WRN: variants seen among roughly 807,000 people sequenced by gnomAD.
WRN encodes the protein bifunctional 3'-5' exonuclease/ATP-dependent helicase WRN.
WRN carries 149 observed loss-of-function variants against 180.7 expected under a neutral mutation model. The observed-to-expected ratio is 0.82, with a 90% confidence interval of 0.72 to 0.94. The LOEUF (loss-of-function observed/expected upper bound fraction) is 0.94, where lower values mean the gene tolerates loss of function less well. Ranked by LOEUF, WRN falls within the 40% of genes least tolerant of loss-of-function variation. The probability of loss-of-function intolerance (pLI) is 0.00; values close to 1 mark genes in which losing one functional copy is unlikely to be tolerated. For missense variants in WRN, 1,661 were observed against 1,700.1 expected, an observed-to-expected ratio of 0.98 and a Z score of 0.40; for synonymous variants, 548 against 568.9, an observed-to-expected ratio of 0.96 and a Z score of 0.52.
At position 31,141,591 on chromosome 8, in the gene WRN, T is replaced by TA. The variant is rs1563376595; in HGVS notation, c.3130dup (p.Thr1044AsnfsTer5). 2 of 1,613,876 alleles carry TA rather than the reference T, an allele frequency of 1.2e-6. No individual in the cohort carries two copies. Among genetic ancestry groups the TA allele is most frequent in the Admixed American group, 1.7e-5 (1 of 59,968 alleles). ...ACAAATTTATGAAGATTTGCGCCCTTACGAAAAAGGTAAACGGTGTAGGAG... is the reference window on the plus strand; with the variant it reads ...ACAAATTTATGAAGATTTGCGCCCTTAACGAAAAAGGTAAACGGTGTAGGAG... On this transcript the variant is annotated frameshift_variant, in exon 25 of 35. Transcript: ENST00000298139. LOFTEE classifies it high-confidence loss of function.
Position 31,174,152 on chromosome 8 carries a change from C to T in WRN, c.*1050C>T, listed in dbSNP as rs1204580536. Among the ~76,000 whole-genome samples the T allele has an allele frequency of 1.3e-5, 2 of 152,174 alleles. No individual in the cohort carries two copies. Among genetic ancestry groups the T allele is most frequent in the Non-Finnish European group, 2.9e-5 (2 of 68,028 alleles). Reference sequence around the variant, plus strand: ...TTGTTTTTAGTTAAAATATAAAAGTCTCGTATATTCCCATTTTTCTGCATT... The same window carrying T: ...TTGTTTTTAGTTAAAATATAAAAGTTTCGTATATTCCCATTTTTCTGCATT... On this transcript the variant is annotated 3_prime_UTR_variant, in exon 35 of 35. Transcript: ENST00000298139.
intron 8 of WRN, among the ~76,000 whole-genome samples, chr8:31,079,899 G>A (rs1164419474): frequency 6.6e-6 from 1 of 151,626 alleles, no homozygotes; most frequent in Non-Finnish European, 1.5e-5. Context: ...TTTTGAAACA[G>A]AGTATTGCTC....
rs1328719690 is a variant in WRN, at chr8:31,157,351, T to C, written c.3820-17T>C. The C allele has an allele frequency of 6.2e-7, 1 of 1,613,484 alleles. No homozygotes were observed. The highest frequency in any genetic ancestry group is 2.2e-5 in the East Asian group (1 of 44,884). On this transcript the variant is annotated splice_polypyrimidine_tract_variant and intron_variant, in intron 32 of 34. Coordinates refer to ENST00000298139, the MANE Select transcript of WRN (RefSeq NM_000553.6). ...CACTTTTACAACTCACTGGGTTCTT[T>C]GCTGATCTTTCTCTAGAAGAGCATA...
At position 31,143,623 on chromosome 8, in the gene WRN, G is replaced by C. The variant is rs775482053; in HGVS notation, c.3383G>C (p.Ser1128Thr). The change falls in exon 28 of 35, where the codon AGT (serine) becomes ACT (threonine). Residue 1128 changes from serine to threonine, a missense_variant and splice_region_variant. Ser to Thr is a moderately conservative substitution (Grantham distance 58, BLOSUM62 1). Coordinates refer to ENST00000298139, the MANE Select transcript of WRN (RefSeq NM_000553.6). ...ISSGSNISKKSIMVQSPEKAY... is the reference protein window; with the variant it reads ...ISSGSNISKKTIMVQSPEKAY... ...TCTGGGAGTAACATTTCTAAAAAAAGGTACAGAGTTCCATATTTCTATGTT... is the reference window on the plus strand; with the variant it reads ...TCTGGGAGTAACATTTCTAAAAAAACGTACAGAGTTCCATATTTCTATGTT... 1 of 1,576,420 alleles carries C rather than the reference G, an allele frequency of 6.3e-7. No individual in the cohort carries two copies. The highest frequency in any genetic ancestry group is 8.7e-7 in the Non-Finnish European group (1 of 1,147,358).
intron 22 of WRN, 127 bp downstream of exon 22, chr8:31,124,750 T>C: frequency 8.2e-7 from 1 of 1,214,184 alleles, no homozygotes; most frequent in Non-Finnish European, 1.2e-6. Flanking sequence ...GTGTGCTGAA[T>C]TTTTAAGGCT....
intron 1 of WRN, among the ~76,000 whole-genome samples, chr8:31,035,493 AGAGCG>A (rs1811418844): frequency 6.6e-6 from 1 of 152,188 alleles, no homozygotes; most frequent in Non-Finnish European, 1.5e-5. Context: ...GAGCTGGAGC[AGAGCG>A]GAGAGGAGGT....
chr8:31,100,807 C>G, intron 17 of WRN, 42 bp from the exon 18 acceptor site: 1 of 1,538,872 alleles, frequency 6.5e-7, no homozygotes. Flanking sequence ...TTTTTCCTTT[C>G]GAGCTTTATC....
chr8:31,094,361 T>C (rs2130191170), intron 16 of WRN, among the ~76,000 whole-genome samples: 1 of 151,788 alleles, frequency 6.6e-6, no homozygotes, highest in East Asian at 1.9e-4. Flanking sequence ...TTTTTTTTTT[T>C]TTGAGTCAGG....
chr8:31,120,914 T>C (rs528196036), intron 21 of WRN, among the ~76,000 whole-genome samples: 1 of 152,102 alleles, frequency 6.6e-6, no homozygotes, highest in African/African-American at 2.4e-5. Context: ...GTTTTCTTGG[T>C]TAGTTCCATG....
intron 18 of WRN, among the ~76,000 whole-genome samples, chr8:31,104,939 G>T (rs1801036160): frequency 1.3e-5 from 2 of 152,192 alleles, no homozygotes; most frequent in Non-Finnish European, 2.9e-5. Context: ...TCACAATTTT[G>T]TGAGTAAACT....
intron 19 of WRN, among the ~76,000 whole-genome samples, chr8:31,113,249 C>T (rs1447300297): frequency 6.7e-6 from 1 of 150,040 alleles, no homozygotes; most frequent in Non-Finnish European, 1.5e-5. Flanking sequence ...ACAAAACAAG[C>T]ATAGACAAAT....
At position 31,174,795 on chromosome 8, in the gene WRN, C is replaced by CCTTCCTT. The variant is rs1554540156; in HGVS notation, c.*1694_*1695insTTCCTTC. 3.9e-3 allele frequency among the ~76,000 whole-genome samples: 294 copies of CCTTCCTT among 74,582 alleles called. 8 individuals carry two copies. Among genetic ancestry groups the CCTTCCTT allele is most frequent in the African/African-American group, 5.5e-3 (128 of 23,078 alleles). The allele number at this position is 74,582 out of a possible 152,430, so 48.9% of individuals were successfully genotyped here. A position where few individuals can be genotyped will look rare whatever the true frequency, so the allele number is the denominator to read the frequency against. On this transcript the variant is annotated 3_prime_UTR_variant, in exon 35 of 35. Coordinates refer to ENST00000298139, the MANE Select transcript of WRN (RefSeq NM_000553.6). ...CTCTTTCCTTCCTTCCCTTCCCTTC[C>CCTTCCTT]CCTTCCTTCCTTCCTTCCTTCCTTC...
chr8:31,170,852 C>T (rs572917374), intron 34 of WRN, among the ~76,000 whole-genome samples: 5 of 152,040 alleles, frequency 3.3e-5, no homozygotes, highest in Admixed American at 2.0e-4. Context: ...AGCATTTCCC[C>T]GCTTTTCCCA....
At chr8:31,143,963 G>C (rs1208507587) in intron 28 of WRN, among the ~76,000 whole-genome samples, 1 of 152,134 alleles carries the variant, frequency 6.6e-6, no homozygotes, top group African/African-American at 2.4e-5. Context: ...TGACAAACTT[G>C]TTCAAGAGCA....
At chr8:31,164,721 T>A (rs1803781094) in intron 33 of WRN, among the ~76,000 whole-genome samples, 1 of 152,192 alleles carries the variant, frequency 6.6e-6, no homozygotes, top group African/African-American at 2.4e-5. Flanking sequence ...CCATTCTTAA[T>A]GTGCATGTAA....
chr8:31,076,146 A>G (rs1813084823), intron 7 of WRN, 27 bp from the exon 8 acceptor site: 1 of 1,558,182 alleles, frequency 6.4e-7, no homozygotes, highest in Admixed American at 1.7e-5. Flanking sequence ...TGGTTTGAAA[A>G]TTAATATTGA....
rs1458069061 is a variant in WRN at position 31,153,828 on chromosome 8, A to G, written c.3688-796A>G. ...CTTTCCAAAAGAAGAGCTCATGGAC[A>G]CATTTCCTCATATATGTATACATAA... On this transcript the variant is annotated intron_variant, in intron 31 of 34. Coordinates refer to ENST00000298139, the MANE Select transcript of WRN (RefSeq NM_000553.6). Among the ~76,000 whole-genome samples the G allele has an allele frequency of 3.3e-5, 5 of 152,202 alleles. No homozygotes were observed. The East Asian group carries it at 9.6e-4, about 29-fold the overall frequency.
Position 31,108,045 on chromosome 8 carries a change from T to A in WRN, c.2089-3570T>A, listed in dbSNP as rs10112009. On this transcript the variant is annotated intron_variant, in intron 18 of 34. Transcript: ENST00000298139. ...GACCTGAATTTAGAAGCAGGTGGGA[T>A]ACTTATACTTTTCTCAGTCTGTGGG... 2.4e-3 allele frequency among the ~76,000 whole-genome samples: 369 copies of A among 152,366 alleles called. 2 individuals are homozygous for A. Among genetic ancestry groups the A allele is most frequent in the African/African-American group, 8.6e-3 (356 of 41,586 alleles).
At chr8:31,071,889 C>A (rs1458192264) in intron 7 of WRN, among the ~76,000 whole-genome samples, 2 of 152,252 alleles carry the variant, frequency 1.3e-5, no homozygotes, top group African/African-American at 4.8e-5. Context: ...TGTCAAGGAT[C>A]ATTCCTGTGT....
Sources: gnomAD v4.1 joint callset for allele counts (sites outside exome capture counted in the v4.1 genomes callset) on GRCh38, gnomAD v4.1.1 for gene constraint, MANE v1.5 for transcripts, NCBI Gene and HGNC (gene_info 2026-07-23, HGNC 2026-07-21) for gene names.